Variants in SMYD3 observed in about 807,000 individuals in gnomAD.
SMYD3 encodes the protein SET and MYND domain containing 3, also known as histone-lysine N-methyltransferase SMYD3.
SMYD3 carries 36 observed loss-of-function variants against 57.7 expected under a neutral mutation model. That is an observed-to-expected ratio of 0.62 (90% CI 0.48 to 0.82). The LOEUF is 0.82. SMYD3 is among the 40% of genes least tolerant of loss of function. The pLI is 0.00. For synonymous variants in SMYD3, 211 were observed against 195.0 expected, an observed-to-expected ratio of 1.08 and a Z score of -0.68; for missense variants, 515 against 538.8, an observed-to-expected ratio of 0.96 and a Z score of 0.44.
intron 5 of SMYD3, among the ~76,000 whole-genome samples, chr1:245,958,265 T>C (rs1333322139): frequency 3.9e-5 from 6 of 152,198 alleles, no homozygotes; most frequent in African/African-American, 1.4e-4. Context: ...TTAAGAGGAA[T>C]GAGCTATAAA....
chr1:246,245,503 A>T (rs2063688311), intron 5 of SMYD3, among the ~76,000 whole-genome samples: 1 of 152,170 alleles, frequency 6.6e-6, no homozygotes, highest in African/African-American at 2.4e-5. Context: ...AAACATGTAG[A>T]TCCTCTTTTA....
At chr1:246,394,205 C>T (rs1486745108) in intron 1 of SMYD3, among the ~76,000 whole-genome samples, 1 of 152,192 alleles carries the variant, frequency 6.6e-6, no homozygotes, top group Non-Finnish European at 1.5e-5. Context: ...ATATATAGCA[C>T]AGCTATGTAG....
intron 5 of SMYD3, among the ~76,000 whole-genome samples, chr1:245,993,919 C>A (rs553022383): frequency 6.6e-6 from 1 of 152,156 alleles, no homozygotes; most frequent in East Asian, 1.9e-4. Context: ...TATCTTACCA[C>A]CATAAAAAGA....
At chr1:245,882,139 T>C (rs1400498598) in intron 8 of SMYD3, among the ~76,000 whole-genome samples, 3 of 152,178 alleles carry the variant, frequency 2.0e-5, no homozygotes, top group African/African-American at 7.2e-5. Context: ...CTTGCAGTAG[T>C]GTAAACAACA....
intron 10 of SMYD3, among the ~76,000 whole-genome samples, chr1:245,775,235 G>T (rs1444866733): frequency 6.6e-6 from 1 of 152,222 alleles, no homozygotes; most frequent in East Asian, 1.9e-4. Flanking sequence ...AGGTCATTGA[G>T]AACGGGCCAT....
In SMYD3 at chr1:246,500,193, C is replaced by T. The variant is rs565324365; in HGVS notation, c.164+6861G>A. ...TCCTCAGAGAGCATCTTAGATTGAC[C>T]GAACTTAGGTCACTGCCCGCACCCT... On this transcript the variant is annotated intron_variant, in intron 1 of 11. Coordinates refer to ENST00000490107, the MANE Select transcript of SMYD3 (RefSeq NM_001167740.2). 1.2e-3 allele frequency among the ~76,000 whole-genome samples: 189 copies of T among 152,252 alleles called. 1 individual carries two copies. The highest frequency in any genetic ancestry group is 2.2e-3 in the Non-Finnish European group (147 of 68,020).
Position 246,088,240 on chromosome 1 carries a change from T to C in SMYD3, c.532-158303A>G, listed in dbSNP as rs531118193. ...AGGACACACACACACTCTCTCTCTCTTTCTCTCTCTCTCTCCCTCTCTCCT... is the reference window on the plus strand; with the variant it reads ...AGGACACACACACACTCTCTCTCTCCTTCTCTCTCTCTCTCCCTCTCTCCT... On this transcript the variant is annotated intron_variant, in intron 5 of 11. Transcript: ENST00000490107. 3.3e-5 allele frequency among the ~76,000 whole-genome samples: 5 copies of C among 152,188 alleles called. No individual in the cohort carries two copies. The East Asian group carries it at 9.7e-4, about 29-fold the overall frequency.
intron 1 of SMYD3, among the ~76,000 whole-genome samples, chr1:246,442,587 A>C (rs116120560): frequency 0.012 from 1,713 of 137,586 alleles, 33 homozygotes; most frequent in African/African-American, 0.041. Context: ...TACTGAAAAG[A>C]GAAAACAAAG....
At chr1:246,116,956 AGAAAT>A (rs2061350605) in intron 5 of SMYD3, among the ~76,000 whole-genome samples, 1 of 152,246 alleles carries the variant, frequency 6.6e-6, no homozygotes, top group Non-Finnish European at 1.5e-5. Context: ...AATTTTAACA[AGAAAT>A]GAAATGGTTT....
intron 5 of SMYD3, among the ~76,000 whole-genome samples, chr1:246,049,760 T>C (rs1352943646): frequency 6.6e-6 from 1 of 152,070 alleles, no homozygotes; most frequent in African/African-American, 2.4e-5. Flanking sequence ...ACATTGTAAA[T>C]TATCATTTTC....
chr1:246,195,954 T>A (rs750359159), intron 5 of SMYD3, among the ~76,000 whole-genome samples: 2 of 152,188 alleles, frequency 1.3e-5, no homozygotes, highest in Admixed American at 6.5e-5. Flanking sequence ...TGAAGGGGTG[T>A]TTCTCAGAGT....
chr1:246,124,419 G>GT (rs1558249821), intron 5 of SMYD3, among the ~76,000 whole-genome samples: 1 of 152,114 alleles, frequency 6.6e-6, no homozygotes, highest in African/African-American at 2.4e-5. Context: ...TTTTTTTAAG[G>GT]TTTTATCAAC....
At chr1:246,455,454 G>GAT (rs2067689025) in intron 1 of SMYD3, among the ~76,000 whole-genome samples, 1 of 152,154 alleles carries the variant, frequency 6.6e-6, no homozygotes, top group Admixed American at 6.5e-5. Flanking sequence ...CACAAAGCAA[G>GAT]ATATAACCAG....
intron 10 of SMYD3, among the ~76,000 whole-genome samples, chr1:245,817,569 G>C (rs1417214667): frequency 6.6e-6 from 1 of 152,074 alleles, no homozygotes; most frequent in Non-Finnish European, 1.5e-5. Flanking sequence ...TGACCTGAGA[G>C]AAGAAGGCTT....
intron 5 of SMYD3, among the ~76,000 whole-genome samples, chr1:246,062,867 T>C (rs1053998973): frequency 2.0e-5 from 3 of 152,132 alleles, no homozygotes; most frequent in Non-Finnish European, 1.5e-5. Context: ...AATTTTGAAA[T>C]AGAAAACATA....
In SMYD3 at chr1:246,379,115, T is replaced by C. The variant is rs1005871193; in HGVS notation, c.165-24021A>G. Among the ~76,000 whole-genome samples the C allele has an allele frequency of 3.6e-3, 377 of 105,350 alleles. 1 individual carries two copies. Among genetic ancestry groups the C allele is most frequent in the African/African-American group, 0.011 (338 of 30,480 alleles). The allele number at this position is 105,350 out of a possible 152,430, so 69.1% of individuals were successfully genotyped here. On this transcript the variant is annotated intron_variant, in intron 1 of 11. Coordinates refer to ENST00000490107, the MANE Select transcript of SMYD3 (RefSeq NM_001167740.2). ...ACACACACACACACACACACACACA[T>C]ATATTCCATTACTTCTGTCCCTCTG...
chr1:246,030,512 T>A (rs1438165589), intron 5 of SMYD3, among the ~76,000 whole-genome samples: 2 of 152,212 alleles, frequency 1.3e-5, no homozygotes, highest in South Asian at 4.1e-4. Context: ...GTACGCTGAA[T>A]ATGCTCAACT....
rs6695221 is a variant in SMYD3, at chr1:245,957,754, T to A, written c.532-27817A>T. ...CCTTTTGTCTACTTTCTTTGCCTTC[T>A]GAGTATCCTCATCATCTAACTCTTG... is the stretch of plus-strand genomic sequence containing the variant. On this transcript the variant is annotated intron_variant, in intron 5 of 11. Transcript: ENST00000490107. Among the ~76,000 whole-genome samples the A allele has an allele frequency of 8.4e-3, 1,281 of 152,132 alleles. 23 individuals carry two copies. Among genetic ancestry groups the A allele is most frequent in the African/African-American group, 0.029 (1,199 of 41,514 alleles).
chr1:245,880,946 G>A lies in SMYD3; in HGVS notation c.814-17060C>T, dbSNP rs557075929. On this transcript the variant is annotated intron_variant, in intron 8 of 11. Coordinates refer to ENST00000490107, the MANE Select transcript of SMYD3 (RefSeq NM_001167740.2). ...GTGTGCTGAGATCAGCACTAAAAAA[G>A]TTCACATTGAGTACGGATACCCACC... Among the ~76,000 whole-genome samples the A allele has an allele frequency of 1.6e-3, 250 of 152,178 alleles. 7 individuals are homozygous for A. In the South Asian group the frequency reaches 0.039, roughly 23 times the overall value.
Sources: allele counts gnomAD v4.1 joint callset (sites outside exome capture counted in the v4.1 genomes callset), GRCh38; gene constraint gnomAD v4.1.1; transcripts MANE v1.5; gene names NCBI Gene and HGNC (gene_info 2026-07-23, HGNC 2026-07-21).